PRKAG2: variants seen among roughly 807,000 people sequenced by gnomAD.
PRKAG2 encodes the protein protein kinase AMP-activated non-catalytic subunit gamma 2, also known as 5'-AMP-activated protein kinase subunit gamma-2.
In PRKAG2, 26 loss-of-function variants were observed where a neutral mutation model predicts 69.6. That is an observed-to-expected ratio of 0.37 (90% CI 0.27 to 0.52). The LOEUF (loss-of-function observed/expected upper bound fraction) is 0.52, where lower values mean the gene tolerates loss of function less well. Among genes scored for constraint, PRKAG2 ranks in the 20% least tolerant of loss-of-function variants. The pLI is 0.90. For synonymous variants in PRKAG2, 293 were observed against 285.0 expected (o/e 1.03, Z -0.28); for missense variants, 557 against 740.0 (o/e 0.75, Z 2.87).
chr7:151,849,437 T>C (rs894935839), intron 1 of PRKAG2, among the ~76,000 whole-genome samples: 1 of 152,192 alleles, frequency 6.6e-6, no homozygotes, highest in Non-Finnish European at 1.5e-5. Context: ...AGTCTCTGTG[T>C]CTAGATGGAC....
chr7:151,768,094 A>G (rs1218708024), intron 3 of PRKAG2, among the ~76,000 whole-genome samples: 1 of 152,202 alleles, frequency 6.6e-6, no homozygotes. Context: ...CTTAGAAAGC[A>G]TGTTCACTTG....
At chr7:151,832,278 AGGAAGGGAGGAGGGAG>A (rs1563737935) in intron 1 of PRKAG2, among the ~76,000 whole-genome samples, 2 of 70,482 alleles carry the variant, frequency 2.8e-5, no homozygotes, top group East Asian at 5.4e-4. Context: ...GGAGGAGGGA[AGGAAGGGAGGAGGGAG>A]GGAATAAATC....
At chr7:151,601,561 T>G (rs1366623222) in intron 5 of PRKAG2, among the ~76,000 whole-genome samples, 1 of 151,480 alleles carries the variant, frequency 6.6e-6, no homozygotes, top group East Asian at 1.9e-4. Context: ...GACCCTGGAG[T>G]GAAGCTATGA....
In PRKAG2 at chr7:151,828,510, A is replaced by G. The variant is rs984543602; in HGVS notation, c.115-41969T>C. ...TAAAGGCTAGCAAAGCAAACTTAGGAGAGAAAGGAAGAAATTTTCATAGTC... is the reference window on the plus strand; with the variant it reads ...TAAAGGCTAGCAAAGCAAACTTAGGGGAGAAAGGAAGAAATTTTCATAGTC... On this transcript the variant is annotated intron_variant, in intron 1 of 15. Coordinates refer to ENST00000287878, the MANE Select transcript of PRKAG2 (RefSeq NM_016203.4). This position sits in a 1 kb window ranked among gnomAD's most constrained non-coding sequence, Gnocchi z 4.6. 7.2e-5 allele frequency among the ~76,000 whole-genome samples: 11 copies of G among 152,224 alleles called. No homozygotes were observed. Among genetic ancestry groups the G allele is most frequent in the African/African-American group, 2.7e-4 (11 of 41,456 alleles).
intron 4 of PRKAG2, among the ~76,000 whole-genome samples, chr7:151,639,343 C>T (rs1323477727): frequency 2.0e-5 from 3 of 152,194 alleles, no homozygotes; most frequent in Non-Finnish European, 4.4e-5. Flanking sequence ...CAGTCTATTT[C>T]CTTCCGTGTA....
intron 3 of PRKAG2, among the ~76,000 whole-genome samples, chr7:151,755,829 C>T (rs377502571): frequency 4.6e-5 from 7 of 152,210 alleles, no homozygotes; most frequent in Admixed American, 6.5e-5. Flanking sequence ...ACGGGGGCCA[C>T]GGCCCCTCAC....
At chr7:151,769,033 G>A (rs2075888375) in intron 3 of PRKAG2, among the ~76,000 whole-genome samples, 1 of 152,226 alleles carries the variant, frequency 6.6e-6, no homozygotes, top group Admixed American at 6.5e-5. Context: ...TCCCCCCAGT[G>A]CAGGGAGCAA....
Position 151,735,901 on chromosome 7 carries a change from G to A in PRKAG2, c.466+45251C>T, listed in dbSNP as rs1399276796. On this transcript the variant is annotated intron_variant, in intron 3 of 15. Coordinates refer to ENST00000287878, the MANE Select transcript of PRKAG2 (RefSeq NM_016203.4). ...GCTCGGGAATGGGCAGAGTCCTACC[G>A]AAAAGGCCATGAGGCTCCGACTGGC... 3 of 1,536,264 alleles carry A rather than the reference G, an allele frequency of 2.0e-6. No homozygotes were observed. The highest frequency in any genetic ancestry group is 2.4e-5 in the South Asian group (2 of 84,064).
intron 5 of PRKAG2, among the ~76,000 whole-genome samples, chr7:151,626,897 A>G (rs950266574): frequency 9.2e-5 from 14 of 152,054 alleles, no homozygotes; most frequent in African/African-American, 2.9e-4. Context: ...TGGGTGGCCA[A>G]AATCCACTGT....
intron 15 of PRKAG2, chr7:151,557,884 A>C (rs113188410): frequency 2.4e-4 from 230 of 963,702 alleles, no homozygotes; most frequent in South Asian, 5.7e-4. Flanking sequence ...AATAAAAAAA[A>C]AAAAAACAAA....
chr7:151,594,510 A>G (rs1387413509), intron 6 of PRKAG2, among the ~76,000 whole-genome samples: 1 of 152,222 alleles, frequency 6.6e-6, no homozygotes, highest in African/African-American at 2.4e-5. Flanking sequence ...TTAATACCAA[A>G]ATGTTAAGAT....
intron 5 of PRKAG2, among the ~76,000 whole-genome samples, chr7:151,605,936 C>CA (rs560080587): frequency 0.17 from 15,752 of 90,200 alleles, 1,418 homozygotes; most frequent in Non-Finnish European, 0.26. Flanking sequence ...GACTCCGTCT[C>CA]AAAAAAAAAA....
Position 151,782,547 on chromosome 7 carries a change from C to T in PRKAG2, c.187-1116G>A, listed in dbSNP as rs185979501. 9.1e-3 allele frequency among the ~76,000 whole-genome samples: 1,391 copies of T among 152,324 alleles called. 25 individuals are homozygous for T. Among genetic ancestry groups the T allele is most frequent in the African/African-American group, 0.032 (1,321 of 41,572 alleles). On this transcript the variant is annotated intron_variant, in intron 2 of 15. Transcript: ENST00000287878. ...CAGACCCCATAACTTTAAGCCAAGG[C>T]ACAGAGCTCATAGCAGACTTTGAGA...
At chr7:151,676,418 A>C (rs530514276) in intron 3 of PRKAG2, among the ~76,000 whole-genome samples, 2 of 152,250 alleles carry the variant, frequency 1.3e-5, no homozygotes, top group East Asian at 3.9e-4. Context: ...GGGGTCTAAA[A>C]AGTGAAACAG....
chr7:151,702,183 T>C (rs1386220596), intron 3 of PRKAG2, among the ~76,000 whole-genome samples: 3 of 152,228 alleles, frequency 2.0e-5, no homozygotes, highest in Non-Finnish European at 4.4e-5. Flanking sequence ...GGTGGTGTTC[T>C]GCAGAATGCT....
rs539450511 is a variant in PRKAG2, at chr7:151,852,422, G to A, written c.114+24085C>T. Among the ~76,000 whole-genome samples the A allele has an allele frequency of 1.1e-3, 173 of 152,232 alleles. 1 individual carries two copies. Among genetic ancestry groups the A allele is most frequent in the African/African-American group, 3.9e-3 (164 of 41,540 alleles). ...AGGCAGGAGAATTGCTTGAACCCAG[G>A]GGGTGGAGGTTGCAGTGAGTCAAGA... is the stretch of plus-strand genomic sequence containing the variant. On this transcript the variant is annotated intron_variant, in intron 1 of 15. Transcript: ENST00000287878.
intron 3 of PRKAG2, among the ~76,000 whole-genome samples, chr7:151,740,745 G>A (rs895660337): frequency 4.6e-5 from 7 of 152,200 alleles, no homozygotes; most frequent in East Asian, 1.9e-4. Context: ...GAGAAGGCCC[G>A]TGTGGCCCTG....
intron 4 of PRKAG2, among the ~76,000 whole-genome samples, chr7:151,647,792 A>T (rs930444365): frequency 4.6e-5 from 7 of 152,234 alleles, no homozygotes; most frequent in Non-Finnish European, 8.8e-5. Context: ...ATATAAAAAA[A>T]TCCTAATATC....
chr7:151,722,309 C>A (rs903019457), intron 3 of PRKAG2, among the ~76,000 whole-genome samples: 1 of 152,104 alleles, frequency 6.6e-6, no homozygotes, highest in Non-Finnish European at 1.5e-5. Flanking sequence ...AGCGTTAGTT[C>A]GTTACCTGCT....
Sources: gnomAD v4.1 joint callset for allele counts (sites outside exome capture counted in the v4.1 genomes callset) on GRCh38, gnomAD v4.1.1 for gene constraint, Gnocchi (gnomAD v3.1) non-coding constraint, MANE v1.5 for transcripts, NCBI Gene and HGNC (gene_info 2026-07-23, HGNC 2026-07-21) for gene names.